The following LIN54 variants were observed in gnomAD, a reference collection of about 807,000 sequenced individuals.
LIN54 encodes the protein protein lin-54 homolog.
In LIN54, 9 loss-of-function variants were observed where a neutral mutation model predicts 78.7. The observed-to-expected ratio is 0.11, with a 90% confidence interval of 0.07 to 0.20. The LOEUF (loss-of-function observed/expected upper bound fraction) is 0.20. Among genes scored for constraint, LIN54 ranks in the 10% least tolerant of loss-of-function variants. The pLI, the probability that LIN54 is intolerant of heterozygous loss-of-function variation, is 1.00. For synonymous variants in LIN54, 269 were observed against 318.4 expected (o/e 0.84, Z 1.65); for missense variants, 573 against 889.9 (o/e 0.64, Z 4.53).
chr4:82,997,500 G>A (rs1179606651), intron 1 of LIN54, among the ~76,000 whole-genome samples: 1 of 151,780 alleles, frequency 6.6e-6, no homozygotes, highest in Non-Finnish European at 1.5e-5. Flanking sequence ...TTTGAGGAGG[G>A]GATTATGGGA....
intron 5 of LIN54, chr4:82,944,836 C>G (rs1004995831): frequency 2.0e-5 from 3 of 152,160 alleles, no homozygotes; most frequent in Admixed American, 2.0e-4. Flanking sequence ...TCACGACCTT[C>G]AGACTACCCT....
At chr4:82,957,373 T>C (rs1424359706) in intron 4 of LIN54, among the ~76,000 whole-genome samples, 1 of 151,970 alleles carries the variant, frequency 6.6e-6, no homozygotes, top group African/African-American at 2.4e-5. Flanking sequence ...AACTAATATT[T>C]TGCAAACTTT....
chr4:82,927,823 CAGAA>C lies in LIN54; in HGVS notation c.*275_*278del, dbSNP rs56205403. The C allele has an allele frequency of 0.3, 99,088 of 335,034 alleles. 16,312 individuals are homozygous for C. Among genetic ancestry groups the C allele is most frequent in the East Asian group, 0.5 (9,387 of 18,694 alleles). The allele number at this position is 335,034 out of a possible 1,614,324, so 20.8% of individuals were successfully genotyped here. On this transcript the variant is annotated 3_prime_UTR_variant, in exon 13 of 13. Transcript: ENST00000340417. ...TATAAACATTTTTTGTCAAAGGTAT[CAGAA>C]AGAGAACATCTAATTCTTAAGAAAC...
chr4:83,000,824 A>ATTCTTTTT lies in LIN54; in HGVS notation c.-33+9652_-33+9659dup, dbSNP rs1436683200. Reference sequence around the variant, plus strand: ...AAAGCCATCAAGCCCAAAGCAATAAATTCTTTTTTTTTTTTTGGAGATAGA... The same window carrying ATTCTTTTT: ...AAAGCCATCAAGCCCAAAGCAATAAATTCTTTTTTTCTTTTTTTTTTTTTGGAGATAGA... On this transcript the variant is annotated intron_variant, in intron 1 of 12. Coordinates refer to ENST00000340417, the MANE Select transcript of LIN54 (RefSeq NM_194282.4). Among the ~76,000 whole-genome samples, 16 of 3,218 alleles carry ATTCTTTTT rather than the reference A, an allele frequency of 5.0e-3. 2 individuals are homozygous for ATTCTTTTT. The highest frequency in any genetic ancestry group is 8.9e-3 in the Non-Finnish European group (12 of 1,346). 2.1% of individuals were successfully genotyped at this position (3,218 alleles called of 152,430 possible).
intron 1 of LIN54, among the ~76,000 whole-genome samples, chr4:82,986,840 G>A (rs1727191721): frequency 1.3e-5 from 2 of 151,902 alleles, no homozygotes; most frequent in South Asian, 4.1e-4. Context: ...CAACACTGAT[G>A]ACGTAATTTA....
In LIN54 at chr4:82,973,401, G is replaced by A. The variant is rs528347886; in HGVS notation, c.809-2932C>T. 3.9e-5 allele frequency among the ~76,000 whole-genome samples: 6 copies of A among 152,200 alleles called. No homozygotes were observed. The South Asian group carries it at 1.2e-3, about 32-fold the overall frequency. On this transcript the variant is annotated intron_variant, in intron 3 of 12. Coordinates refer to ENST00000340417, the MANE Select transcript of LIN54 (RefSeq NM_194282.4). ...GGTCTGCTTGGTTTTCATCCTGGTA[G>A]CATTTCTGATTATCTAATCTAACCT... is the stretch of plus-strand genomic sequence containing the variant.
At chr4:82,992,778 C>T (rs1475084803) in intron 1 of LIN54, among the ~76,000 whole-genome samples, 1 of 152,056 alleles carries the variant, frequency 6.6e-6, no homozygotes, top group African/African-American at 2.4e-5. Flanking sequence ...CCTGTAATCC[C>T]AGCACTTTGG....
Position 82,939,941 on chromosome 4 carries a change from G to A in LIN54, c.1190C>T (p.Thr397Ile), listed in dbSNP as rs1271654082. Residue 397 changes from threonine (T) to isoleucine (I), a missense_variant, in exon 6 of 13, where the codon ACA becomes ATA. Physicochemically the swap from Thr to Ile is moderately conservative, Grantham distance 89. Coordinates refer to ENST00000340417, the MANE Select transcript of LIN54 (RefSeq NM_194282.4). Reference protein sequence around the residue: ...LQQAKPVVVNTTPVRMSVPIV... With the variant: ...LQQAKPVVVNITPVRMSVPIV... ...TGGAACTGACATCCGCACTGGGGTT[G>A]TATTAACAACCACTGGCTTTGCTTT... 1 of 1,607,080 alleles carries A rather than the reference G, an allele frequency of 6.2e-7. No individual in the cohort carries two copies.
intron 4 of LIN54, among the ~76,000 whole-genome samples, chr4:82,964,828 A>G (rs1051647681): frequency 6.6e-6 from 1 of 152,150 alleles, no homozygotes. Context: ...CCTAGCCAAC[A>G]TGGCGAAACT....
chr4:82,962,407 A>G (rs917155370), intron 4 of LIN54, among the ~76,000 whole-genome samples: 1 of 152,246 alleles, frequency 6.6e-6, no homozygotes, highest in Non-Finnish European at 1.5e-5. Context: ...GCAGTGGTAT[A>G]AACTTAAAAA....
At chr4:82,961,727 C>T (rs576675087) in intron 4 of LIN54, among the ~76,000 whole-genome samples, 50 of 152,150 alleles carry the variant, frequency 3.3e-4, no homozygotes, top group African/African-American at 1.0e-3. Context: ...CTGAAGCGGG[C>T]GGATCACCTG....
At chr4:82,952,695 A>C (rs1723937996) in intron 4 of LIN54, among the ~76,000 whole-genome samples, 1 of 152,200 alleles carries the variant, frequency 6.6e-6, no homozygotes, top group African/African-American at 2.4e-5. Flanking sequence ...AATAGCCAAA[A>C]GGTGGAAACA....
intron 1 of LIN54, among the ~76,000 whole-genome samples, chr4:82,998,473 G>A (rs1728432204): frequency 8.2e-6 from 1 of 121,658 alleles, no homozygotes; most frequent in Non-Finnish European, 1.7e-5. Context: ...AACCCAGGAG[G>A]TGGAGGTTGC....
chr4:82,952,891 C>G (rs921594955), intron 4 of LIN54, among the ~76,000 whole-genome samples: 1 of 152,108 alleles, frequency 6.6e-6, no homozygotes, highest in African/African-American at 2.4e-5. Context: ...TATGTTTACA[C>G]TTATATGAAG....
chr4:82,996,403 ATATT>A (rs774826554), intron 1 of LIN54, among the ~76,000 whole-genome samples: 4 of 151,824 alleles, frequency 2.6e-5, no homozygotes, highest in African/African-American at 9.7e-5. Flanking sequence ...TATGCTTCCA[ATATT>A]TATTTATTTA....
rs1560733573 is a variant in LIN54 at position 82,947,237 on chromosome 4, T to TATATA, written c.952-764_952-763insTATAT. Among the ~76,000 whole-genome samples the TATATA allele has an allele frequency of 7.0e-4, 16 of 22,934 alleles. No individual in the cohort carries two copies. The Admixed American group carries it at 7.6e-3, about 11-fold the overall frequency. 15.0% of individuals were successfully genotyped at this position (22,934 alleles called of 152,430 possible). A position where few individuals can be genotyped will look rare whatever the true frequency, so the allele number is the denominator to read the frequency against. ...TATATATATATATATATATATATAT[T>TATATA]TTTTTTTTTTTTGAAGACAGGGTCT... is the stretch of plus-strand genomic sequence containing the variant. On this transcript the variant is annotated intron_variant, in intron 4 of 12. Coordinates refer to ENST00000340417, the MANE Select transcript of LIN54 (RefSeq NM_194282.4).
At chr4:82,946,719 T>A (rs1194726634) in intron 4 of LIN54, among the ~76,000 whole-genome samples, 3 of 152,200 alleles carry the variant, frequency 2.0e-5, no homozygotes, top group African/African-American at 7.2e-5. Context: ...TCAGATGACT[T>A]GCTATGAAGA....
chr4:82,969,470 A>G (rs991419696), intron 4 of LIN54, among the ~76,000 whole-genome samples: 22 of 152,376 alleles, frequency 1.4e-4, no homozygotes, highest in Admixed American at 9.8e-4. Context: ...CAATTTAGGG[A>G]AAAAGTTATG....
chr4:82,972,009 C>T (rs1035419761), intron 3 of LIN54, among the ~76,000 whole-genome samples: 12 of 151,652 alleles, frequency 7.9e-5, no homozygotes, highest in Admixed American at 1.3e-4. Flanking sequence ...TAATGCTTAG[C>T]AGCTTCTGGG....
Sources: allele counts gnomAD v4.1 joint callset (sites outside exome capture counted in the v4.1 genomes callset), GRCh38; gene constraint gnomAD v4.1.1; transcripts MANE v1.5; gene names NCBI Gene and HGNC (gene_info 2026-07-23, HGNC 2026-07-21).